Variants in MAP1S observed in about 807,000 individuals in gnomAD.
MAP1S encodes the protein microtubule associated protein 1S.
Under a neutral mutation model 60.9 loss-of-function variants are expected in MAP1S, and 27 were observed. The observed-to-expected ratio is 0.44, with a 90% CI of 0.33 to 0.61. The LOEUF (loss-of-function observed/expected upper bound fraction) is 0.61, where lower values mean the gene tolerates loss of function less well. Among genes scored for constraint, MAP1S ranks in the 20% least tolerant of loss-of-function variants. The pLI is 0.03. For missense variants in MAP1S, 1,608 were observed against 1,486.6 expected, an observed-to-expected ratio of 1.08 and a Z score of -1.34; for synonymous variants, 826 against 694.2, an observed-to-expected ratio of 1.19 and a Z score of -2.98.
chr19:17,719,746 G>T, intron 1 of MAP1S, 126 bp downstream of exon 1: 1 of 265,270 alleles, frequency 3.8e-6, no homozygotes, highest in Non-Finnish European at 5.9e-6. Flanking sequence ...GGCGGGGGTC[G>T]CGGGCCTGGG....
At chr19:17,733,167 C>T (rs2080506503) in intron 5 of MAP1S, 26 bp from the exon 6 acceptor site, 3 of 1,476,616 alleles carry the variant, frequency 2.0e-6, no homozygotes, top group Admixed American at 2.1e-5. Flanking sequence ...GAGCTCATCC[C>T]TGCCTCCCCA....
intron 5 of MAP1S, among the ~76,000 whole-genome samples, chr19:17,731,467 T>C (rs931125489): frequency 6.6e-6 from 1 of 152,224 alleles, no homozygotes; most frequent in African/African-American, 2.4e-5. Flanking sequence ...GGTCTATATG[T>C]CTGTCTTTAT....
In MAP1S at chr19:17,726,081, G is replaced by C. The variant is rs762619849; in HGVS notation, c.697G>C (p.Gly233Arg). 2 of 1,613,610 alleles carry C rather than the reference G, an allele frequency of 1.2e-6. No homozygotes were observed. Among genetic ancestry groups the C allele is most frequent in the Non-Finnish European group, 1.7e-6 (2 of 1,179,918 alleles). Reference sequence around the variant, plus strand: ...CGAGCTGCTGGAGCCCCCGACCTCCGGGGGCTTCCTCAGGCTGGGCCGGCC... The same window carrying C: ...CGAGCTGCTGGAGCCCCCGACCTCCCGGGGCTTCCTCAGGCTGGGCCGGCC... ...PFELLEPPTSGGFLRLGRPCC... is the reference protein window; with the variant it reads ...PFELLEPPTSRGFLRLGRPCC... The change falls in exon 5 of 7, where the codon GGG becomes CGG. Residue 233 changes from glycine to arginine, a missense_variant. This residue lies in a region of MAP1S where 320 missense variants were observed against 393.1 expected (regional missense o/e 0.81). Transcript: ENST00000324096.
At chr19:17,719,789 C>T (rs767052189) in intron 1 of MAP1S, 169 bp downstream of exon 1, 48 of 188,410 alleles carry the variant, frequency 2.5e-4, no homozygotes, top group Admixed American at 1.4e-3. Context: ...GCGCACGACG[C>T]GGGCAAAGGC....
At chr19:17,729,455 T>C (rs915175143) in intron 5 of MAP1S, among the ~76,000 whole-genome samples, 3 of 152,138 alleles carry the variant, frequency 2.0e-5, no homozygotes, top group Non-Finnish European at 4.4e-5. Flanking sequence ...AGCCAAAGGC[T>C]CACATTTTAA....
rs944360179 is a variant in MAP1S, at chr19:17,727,362, C to T, written c.1978C>T (p.Arg660Trp). The T allele has an allele frequency of 5.1e-6, 8 of 1,578,572 alleles. No individual in the cohort carries two copies. The highest frequency in any genetic ancestry group is 1.8e-5 in the Admixed American group (1 of 55,368). The change falls in exon 5 of 7, where the codon CGG becomes TGG. Residue 660 changes from arginine to tryptophan, a missense_variant. Transcript: ENST00000324096. The surrounding 1 kb of genome is among the most constrained non-coding windows in gnomAD (Gnocchi z 4.1). The part of the protein sequence containing the change: ...GSERLSLSPL[R>W]GGEAGPDASP... Reference sequence around the variant, plus strand: ...CGAGCGGCTGTCGCTGAGCCCACTGCGGGGCGGGGAGGCCGGGCCAGACGC... The same window carrying T: ...CGAGCGGCTGTCGCTGAGCCCACTGTGGGGCGGGGAGGCCGGGCCAGACGC...
chr19:17,725,506 G>T lies in MAP1S; in HGVS notation c.444+317G>T, dbSNP rs2080409478. 6.6e-6 allele frequency among the ~76,000 whole-genome samples: 1 copy of T among 152,212 alleles called. No individual in the cohort carries two copies. Among genetic ancestry groups the T allele is most frequent in the African/African-American group, 2.4e-5 (1 of 41,460 alleles). On this transcript the variant is annotated intron_variant, in intron 4 of 6. Coordinates refer to ENST00000324096, the MANE Select transcript of MAP1S (RefSeq NM_018174.6). This position sits in a 1 kb window ranked among gnomAD's most constrained non-coding sequence, Gnocchi z 4.2. The stretch of plus-strand genomic sequence containing the variant: ...AAATGGCAAACCTCACTTTCACATT[G>T]TAGTGGGGCACTTAAAAATGGTGAG...
At position 17,726,865 on chromosome 19, in the gene MAP1S, C is replaced by T; in HGVS notation, c.1481C>T (p.Pro494Leu). The T allele has an allele frequency of 3.9e-6, 6 of 1,555,230 alleles. No individual in the cohort carries two copies. The highest frequency in any genetic ancestry group is 5.2e-6 in the Non-Finnish European group (6 of 1,149,868). The change falls in exon 5 of 7, where the codon CCT becomes CTT. Residue 494 changes from proline to leucine, a missense_variant. Physicochemically the swap from Pro to Leu is moderately conservative, Grantham distance 98. Coordinates refer to ENST00000324096, the MANE Select transcript of MAP1S (RefSeq NM_018174.6). ...REGLLATHPR[P>L]GQERPGVARK... ...GGCCTCCTGGCCACCCACCCTAGACCTGGCCAGGAGCGCCCTGGGGTGGCC... is the reference window on the plus strand; with the variant it reads ...GGCCTCCTGGCCACCCACCCTAGACTTGGCCAGGAGCGCCCTGGGGTGGCC...
chr19:17,724,784 G>T (rs1271524806), intron 3 of MAP1S, among the ~76,000 whole-genome samples: 3 of 152,172 alleles, frequency 2.0e-5, no homozygotes, highest in Non-Finnish European at 4.4e-5. Context: ...GTGGACTAGA[G>T]AGAGCCCAGA....
At position 17,726,684 on chromosome 19, in the gene MAP1S, G is replaced by A. The variant is rs756501065; in HGVS notation, c.1300G>A (p.Gly434Ser). The change falls in exon 5 of 7, where the codon GGT becomes AGT. Residue 434 changes from glycine (G) to serine (S), a missense_variant. Physicochemically the swap from Gly to Ser is moderately conservative, Grantham distance 56. Coordinates refer to ENST00000324096, the MANE Select transcript of MAP1S (RefSeq NM_018174.6). ...GEKVVRVLFP[G>S]CTPPACLLDG... ...GAAGGTGGTGCGCGTGCTGTTCCCC[G>A]GTTGCACCCCGCCCGCCTGCCTCCT... 1.9e-6 allele frequency: 3 copies of A among 1,585,310 alleles called. No individual in the cohort carries two copies. Among genetic ancestry groups the A allele is most frequent in the Non-Finnish European group, 2.6e-6 (3 of 1,169,852 alleles).
intron 2 of MAP1S, chr19:17,721,556 C>T: frequency 5.1e-6 from 1 of 197,352 alleles, no homozygotes; most frequent in South Asian, 7.0e-5. Context: ...CGCCTCTAAT[C>T]CCAGCTACTC....
At chr19:17,724,991 G>A in intron 3 of MAP1S, 58 bp from the exon 4 acceptor site, 1 of 1,611,574 alleles carries the variant, frequency 6.2e-7, no homozygotes, top group Non-Finnish European at 8.5e-7. Context: ...CCCCAAAGAG[G>A]ACTGCTGGAT....
chr19:17,727,019 C>T lies in MAP1S; in HGVS notation c.1635C>T (p.Ala545=), dbSNP rs749710659. 3 of 1,597,022 alleles carry T rather than the reference C, an allele frequency of 1.9e-6. No homozygotes were observed. In the African/African-American group the frequency reaches 4.0e-5, roughly 21 times the overall value. The change falls in exon 5 of 7, where the codon GCC becomes GCT. Residue 545 remains alanine (A), a synonymous_variant. Coordinates refer to ENST00000324096, the MANE Select transcript of MAP1S (RefSeq NM_018174.6). The surrounding 1 kb of genome is among the most constrained non-coding windows in gnomAD (Gnocchi z 4.1). ...AGCCGCGGGAGGTGCGCCGGGCAGC[C>T]TCTTCTGTGCCCAACCTCAAGAAGA... ...RTQPREVRRA[A]SSVPNLKKTN...
Position 17,733,761 on chromosome 19 carries a change from C to T in MAP1S, c.3024+333C>T, listed in dbSNP as rs566861979. ...ATAGGTGGGCTGGGTGGTATCTGTGCGGCTGAGAACCCTCCCCCATGGCTG... is the reference window on the plus strand; with the variant it reads ...ATAGGTGGGCTGGGTGGTATCTGTGTGGCTGAGAACCCTCCCCCATGGCTG... On this transcript the variant is annotated intron_variant, in intron 6 of 6. Transcript: ENST00000324096. Among the ~76,000 whole-genome samples the T allele has an allele frequency of 1.1e-4, 16 of 152,288 alleles. No individual in the cohort carries two copies. The South Asian group carries it at 2.7e-3, about 26-fold the overall frequency.
At chr19:17,733,538 G>A in intron 6 of MAP1S, 110 bp downstream of exon 6, 1 of 846,642 alleles carries the variant, frequency 1.2e-6, no homozygotes, top group Non-Finnish European at 1.8e-6. Flanking sequence ...ACGGGAATGG[G>A]GGCGAATGTG....
At chr19:17,732,154 G>A (rs1034160222) in intron 5 of MAP1S, among the ~76,000 whole-genome samples, 2 of 152,240 alleles carry the variant, frequency 1.3e-5, no homozygotes, top group African/African-American at 4.8e-5. Flanking sequence ...TAAATGTTTA[G>A]TGGCTTCCCC....
In MAP1S at chr19:17,725,013, C is replaced by G. The variant is rs752709529; in HGVS notation, c.304-36C>G. ...GAGGACTGCTGGATACGTCACTGCA[C>G]AGAACGGGTCCTTTAGTGTTCACCC... is the stretch of plus-strand genomic sequence containing the variant. On this transcript the variant is annotated intron_variant, in intron 3 of 6. Coordinates refer to ENST00000324096, the MANE Select transcript of MAP1S (RefSeq NM_018174.6). This position sits in a 1 kb window ranked among gnomAD's most constrained non-coding sequence, Gnocchi z 4.2. The G allele has an allele frequency of 6.2e-7, 1 of 1,614,040 alleles. No individual in the cohort carries two copies. The highest frequency in any genetic ancestry group is 1.1e-5 in the South Asian group (1 of 91,078).
chr19:17,720,624 G>T, intron 1 of MAP1S: 1 of 1,005,598 alleles, frequency 9.9e-7, no homozygotes, highest in South Asian at 1.7e-5. Context: ...CTTCCAGGCA[G>T]GGGAAACAGC....
intron 2 of MAP1S, among the ~76,000 whole-genome samples, chr19:17,723,048 CT>C (rs1332287937): frequency 1.3e-5 from 2 of 151,912 alleles, no homozygotes; most frequent in Non-Finnish European, 2.9e-5. Context: ...TGCCACCCCC[CT>C]CTCACAGTAC....
Sources: allele counts gnomAD v4.1 joint callset (sites outside exome capture counted in the v4.1 genomes callset), GRCh38; gene constraint gnomAD v4.1.1; regional missense constraint gnomAD v4.1.1; non-coding constraint Gnocchi (gnomAD v3.1); transcripts MANE v1.5; gene names NCBI Gene and HGNC (gene_info 2026-07-23, HGNC 2026-07-21).